The following MATN2 variants were observed in gnomAD, a reference collection of about 807,000 sequenced individuals.
MATN2 encodes the protein matrilin-2.
A neutral mutation model predicts 103.2 loss-of-function variants in MATN2; 69 were observed. That is an observed-to-expected ratio of 0.67 (90% CI 0.55 to 0.82). MATN2 has a LOEUF of 0.82. Among genes scored for constraint, MATN2 ranks in the 40% least tolerant of loss-of-function variants. The probability of loss-of-function intolerance (pLI) is 0.00; values close to 1 mark genes in which losing one functional copy is unlikely to be tolerated. For missense variants in MATN2, 1,023 were observed against 1,211.5 expected (o/e 0.84, Z 2.31); for synonymous variants, 429 against 450.2 (o/e 0.95, Z 0.60).
intron 12 of MATN2, among the ~76,000 whole-genome samples, chr8:98,019,478 C>G (rs1274243557): frequency 6.6e-6 from 1 of 152,222 alleles, no homozygotes. Context: ...AGAGGGTGAT[C>G]TGATCTGCTT....
intron 3 of MATN2, among the ~76,000 whole-genome samples, chr8:97,935,273 G>C (rs1185805849): frequency 6.6e-6 from 1 of 152,096 alleles, no homozygotes; most frequent in Admixed American, 6.5e-5. Flanking sequence ...GGGGGCTCCA[G>C]GAGAGCTTTA....
At chr8:97,952,180 A>G (rs1810975155) in intron 4 of MATN2, 1 of 152,210 alleles carries the variant, frequency 6.6e-6, no homozygotes, top group Non-Finnish European at 1.5e-5. Context: ...CAGAGACCCC[A>G]TCGTTTACCC....
rs1320611451 is a variant in MATN2 at position 97,995,817 on chromosome 8, AC to A, written c.1204+1216del. ...TTTGAAACGGAGCCTGTCTTATAAA[AC>A]TATTCTCACTGCCTTGTGAGGGTAC... On this transcript the variant is annotated intron_variant, in intron 7 of 18. Coordinates refer to ENST00000254898, the MANE Select transcript of MATN2 (RefSeq NM_002380.5). 6.5e-4 allele frequency among the ~76,000 whole-genome samples: 99 copies of A among 152,348 alleles called. 1 individual carries two copies. Among genetic ancestry groups the A allele is most frequent in the African/African-American group, 2.2e-3 (93 of 41,576 alleles).
At position 98,016,653 on chromosome 8, in the gene MATN2, A is replaced by G. The variant is rs1586160119; in HGVS notation, c.1687A>G (p.Thr563Ala). 6.2e-7 allele frequency: 1 copy of G among 1,611,402 alleles called. No homozygotes were observed. The highest frequency in any genetic ancestry group is 8.5e-7 in the Non-Finnish European group (1 of 1,178,568). ...EGYILREDGK[T>A]CRRKDVCQAI... The stretch of plus-strand genomic sequence containing the variant: ...TTATATACTCCGTGAAGATGGAAAA[A>G]CCTGCAGAAGTAAGTTTGTACTGGA... Residue 563 changes from threonine (T) to alanine (A), a missense_variant, in exon 11 of 19, where the codon ACC becomes GCC. Thr to Ala is a moderately conservative substitution (Grantham distance 58). Transcript: ENST00000254898.
intron 1 of MATN2, among the ~76,000 whole-genome samples, chr8:97,885,541 T>C (rs1220458968): frequency 6.6e-6 from 1 of 152,072 alleles, no homozygotes; most frequent in Non-Finnish European, 1.5e-5. Context: ...ATAGTAAGTT[T>C]AGGATTTGAG....
chr8:97,883,775 C>T (rs1423759242), intron 1 of MATN2, among the ~76,000 whole-genome samples: 7 of 152,058 alleles, frequency 4.6e-5, no homozygotes, highest in African/African-American at 1.4e-4. Flanking sequence ...AGGATGGTCT[C>T]GATCTCCTGA....
At chr8:98,028,425 G>C (rs1219023344) in intron 14 of MATN2, among the ~76,000 whole-genome samples, 1 of 152,078 alleles carries the variant, frequency 6.6e-6, no homozygotes, top group African/African-American at 2.4e-5. Context: ...CCTGACCTGA[G>C]GGTTACTTCA....
At chr8:98,032,360 G>A (rs1313370082) in intron 16 of MATN2, 43 bp downstream of exon 16, 8 of 1,465,558 alleles carry the variant, frequency 5.5e-6, no homozygotes, top group Non-Finnish European at 6.6e-6. Flanking sequence ...TTGGTGGAGG[G>A]AACCATGGTT....
At chr8:97,952,916 A>ATTTTTTTTT (rs71570276) in intron 4 of MATN2, among the ~76,000 whole-genome samples, 2 of 96,110 alleles carry the variant, frequency 2.1e-5, no homozygotes, top group Non-Finnish European at 2.0e-5. Context: ...GTTTGTAGGG[A>ATTTTTTTTT]TTTTTTTTTT....
chr8:97,886,443 C>T (rs771543931), intron 1 of MATN2, among the ~76,000 whole-genome samples: 15 of 152,138 alleles, frequency 9.9e-5, no homozygotes, highest in Admixed American at 3.3e-4. Context: ...CTCTTATGAG[C>T]GATGTAACCT....
chr8:97,941,591 A>G (rs565834702), intron 3 of MATN2, among the ~76,000 whole-genome samples, 186 bp from the exon 4 acceptor site: 2 of 152,292 alleles, frequency 1.3e-5, no homozygotes, highest in East Asian at 3.9e-4. Flanking sequence ...TTGATTTTCC[A>G]TGGCCCTTTA....
At chr8:97,944,069 C>A (rs547533164) in intron 4 of MATN2, among the ~76,000 whole-genome samples, 6 of 152,270 alleles carry the variant, frequency 3.9e-5, no homozygotes, top group Admixed American at 3.9e-4. Context: ...ATGAAGCAGA[C>A]CCTGCCTGGA....
rs1813024452 is a variant in MATN2 at position 98,007,719 on chromosome 8, A to C, written c.1573+118A>C. ...TGTCTCCAGGCTTTGCTGGGCCTGC[A>C]TGAATGTGTGTGACAGCATCTCTTA... On this transcript the variant is annotated intron_variant, in intron 10 of 18. Transcript: ENST00000254898. The surrounding 1 kb of genome is among the most constrained non-coding windows in gnomAD (Gnocchi z 4.2). 2.4e-6 allele frequency: 3 copies of C among 1,247,786 alleles called. No individual in the cohort carries two copies. Among genetic ancestry groups the C allele is most frequent in the Non-Finnish European group, 3.3e-6 (3 of 902,184 alleles). 77.3% of individuals were successfully genotyped at this position (1,247,786 alleles called of 1,614,324 possible).
At position 97,961,469 on chromosome 8, in the gene MATN2, C is replaced by T; in HGVS notation, c.897C>T (p.Gly299=). Residue 299 remains glycine (G), a synonymous_variant, in exon 5 of 19, where the codon GGC becomes GGT. Coordinates refer to ENST00000254898, the MANE Select transcript of MATN2 (RefSeq NM_002380.5). ...NCEQLCVNVP[G]SFVCQCYSGY... ...AGCAGCTCTGTGTGAATGTGCCGGGCTCCTTCGTCTGCCAGTGCTACAGTG... is the reference window on the plus strand; with the variant it reads ...AGCAGCTCTGTGTGAATGTGCCGGGTTCCTTCGTCTGCCAGTGCTACAGTG... 1 of 1,613,826 alleles carries T rather than the reference C, an allele frequency of 6.2e-7. No homozygotes were observed. The highest frequency in any genetic ancestry group is 1.7e-4 in the Middle Eastern group (1 of 6,060).
chr8:97,892,746 A>G (rs1361996154), intron 2 of MATN2, among the ~76,000 whole-genome samples: 1 of 152,232 alleles, frequency 6.6e-6, no homozygotes, highest in Non-Finnish European at 1.5e-5. Flanking sequence ...AGAGAATGAG[A>G]GTATGAAAGG....
chr8:97,887,973 G>C, intron 1 of MATN2, 102 bp from the exon 2 acceptor site: 1 of 1,153,232 alleles, frequency 8.7e-7, no homozygotes, highest in Non-Finnish European at 1.2e-6. Context: ...CAAGTGGTCT[G>C]TTTGAACTCT....
chr8:98,016,719 C>T, intron 11 of MATN2, 57 bp downstream of exon 11: 5 of 1,577,102 alleles, frequency 3.2e-6, no homozygotes, highest in Non-Finnish European at 4.3e-6. Context: ...TGTGAAATCG[C>T]TATCCTTATC....
At chr8:98,029,605 C>T (rs1813933052) in intron 14 of MATN2, among the ~76,000 whole-genome samples, 1 of 152,124 alleles carries the variant, frequency 6.6e-6, no homozygotes, top group Admixed American at 6.5e-5. Flanking sequence ...TCACTGGGCT[C>T]CCGGACAAAT....
chr8:97,977,618 C>T (rs751467590), intron 5 of MATN2, among the ~76,000 whole-genome samples: 9 of 152,200 alleles, frequency 5.9e-5, no homozygotes, highest in Middle Eastern at 3.4e-3. Flanking sequence ...CTCAGATTTG[C>T]CCTGTCAGTC....
Sources: gnomAD v4.1 joint callset for allele counts (sites outside exome capture counted in the v4.1 genomes callset) on GRCh38, gnomAD v4.1.1 for gene constraint, Gnocchi (gnomAD v3.1) non-coding constraint, MANE v1.5 for transcripts, NCBI Gene and HGNC (gene_info 2026-07-23, HGNC 2026-07-21) for gene names.